Variants in GLS observed in about 807,000 individuals in gnomAD.
GLS encodes glutaminase kidney isoform, mitochondrial.
A neutral mutation model predicts 86.7 loss-of-function variants in GLS; 36 were observed. The ratio of observed to expected loss-of-function variants is 0.42; its 90% CI spans 0.32 to 0.55. The LOEUF is 0.55. Ranked by LOEUF, GLS falls within the 20% of genes least tolerant of loss-of-function variation. GLS has a pLI of 0.17. For missense variants in GLS, 528 were observed against 833.4 expected (o/e 0.63, Z 4.51); for synonymous variants, 317 against 305.9 (o/e 1.04, Z -0.38).
chr2:190,954,673 C>G lies in GLS; in HGVS notation c.1789+13C>G, dbSNP rs955304024. 1 of 1,606,244 alleles carries G rather than the reference C, an allele frequency of 6.2e-7. No individual in the cohort carries two copies. The highest frequency in any genetic ancestry group is 8.5e-7 in the Non-Finnish European group (1 of 1,172,846). On this transcript the variant is annotated intron_variant, in intron 16 of 17. Transcript: ENST00000320717. This position sits in a 1 kb window ranked among gnomAD's most constrained non-coding sequence, Gnocchi z 4.0. ...GCTGCTGCAGAGGGTAATACAGGAA[C>G]TACTCCTATCTATTTTCTTTCCAGA... is the stretch of plus-strand genomic sequence containing the variant.
chr2:190,907,919 G>T (rs1298067509), intron 6 of GLS, among the ~76,000 whole-genome samples: 1 of 152,164 alleles, frequency 6.6e-6, no homozygotes, highest in Admixed American at 6.5e-5. Context: ...TAATTGACAG[G>T]TGCCAAAATG....
intron 4 of GLS, among the ~76,000 whole-genome samples, chr2:190,901,657 C>G (rs1210413240): frequency 6.6e-6 from 1 of 151,008 alleles, no homozygotes; most frequent in Non-Finnish European, 1.5e-5. Context: ...AAAAAAAGTT[C>G]AAGTTCCTCT....
chr2:190,916,689 A>G (rs187532680), intron 7 of GLS, among the ~76,000 whole-genome samples: 130 of 152,298 alleles, frequency 8.5e-4, no homozygotes, highest in African/African-American at 2.9e-3. Context: ...AACATTCTTT[A>G]GTCAATGCAA....
intron 14 of GLS, among the ~76,000 whole-genome samples, chr2:190,939,001 A>C (rs1460441363): frequency 6.6e-6 from 1 of 151,786 alleles, no homozygotes; most frequent in Non-Finnish European, 1.5e-5. Context: ...TTGAGGTTAG[A>C]TTAAATATAT....
chr2:190,924,008 C>T lies in GLS; in HGVS notation c.1197+25C>T, dbSNP rs1480203727. Reference sequence around the variant, plus strand: ...GGTTTTTAAATTTTTGTTTCTATTTCAAATTATTCTTTCATTTAATAAAAT... The same window carrying T: ...GGTTTTTAAATTTTTGTTTCTATTTTAAATTATTCTTTCATTTAATAAAAT... On this transcript the variant is annotated intron_variant, in intron 10 of 17. Transcript: ENST00000320717. The surrounding 1 kb of genome is among the most constrained non-coding windows in gnomAD (Gnocchi z 5.2). 2 of 1,105,830 alleles carry T rather than the reference C, an allele frequency of 1.8e-6. No individual in the cohort carries two copies. Among genetic ancestry groups the T allele is most frequent in the African/African-American group, 1.6e-5 (1 of 63,614 alleles). The allele number at this position is 1,105,830 out of a possible 1,614,324, so 68.5% of individuals were successfully genotyped here.
chr2:190,903,024 G>T (rs971621655), intron 5 of GLS, among the ~76,000 whole-genome samples: 42 of 152,108 alleles, frequency 2.8e-4, no homozygotes, highest in African/African-American at 9.9e-4. Flanking sequence ...AGATAATGTT[G>T]CAATTAAAAA....
In GLS at chr2:190,947,449, G is replaced by A. The variant is rs988892128; in HGVS notation, c.1651-6116G>A. Reference sequence around the variant, plus strand: ...GAGACTTGATAAGAAAAATGCAGTAGTGCTGGAAAATCTACAAGATGAAGG... The same window carrying A: ...GAGACTTGATAAGAAAAATGCAGTAATGCTGGAAAATCTACAAGATGAAGG... On this transcript the variant is annotated intron_variant, in intron 14 of 17. Coordinates refer to ENST00000320717, the MANE Select transcript of GLS (RefSeq NM_014905.5). The surrounding 1 kb of genome is among the most constrained non-coding windows in gnomAD (Gnocchi z 5.0). 8.5e-5 allele frequency among the ~76,000 whole-genome samples: 13 copies of A among 152,294 alleles called. No homozygotes were observed. Among genetic ancestry groups the A allele is most frequent in the African/African-American group, 2.9e-4 (12 of 41,572 alleles).
intron 12 of GLS, among the ~76,000 whole-genome samples, chr2:190,929,740 G>T (rs1200898937): frequency 6.6e-6 from 1 of 152,024 alleles, no homozygotes. Flanking sequence ...AGAGTGCTGG[G>T]ATTACAGGCA....
chr2:190,895,099 TC>T lies in GLS; in HGVS notation c.387-51del. ...ATTTAACAATGGATTTAGTTAAAAA[TC>T]CAGTAGAATGTTCATACAAGGATTA... is the stretch of plus-strand genomic sequence containing the variant. On this transcript the variant is annotated intron_variant, in intron 1 of 17. Transcript: ENST00000320717. The surrounding 1 kb of genome is among the most constrained non-coding windows in gnomAD (Gnocchi z 4.2). 1 of 777,886 alleles carries T rather than the reference TC, an allele frequency of 1.3e-6. No homozygotes were observed. Among genetic ancestry groups the T allele is most frequent in the Non-Finnish European group, 2.3e-6 (1 of 443,134 alleles). The allele number at this position is 777,886 out of a possible 1,614,324, so 48.2% of individuals were successfully genotyped here. A position where few individuals can be genotyped will look rare whatever the true frequency, so the allele number is the denominator to read the frequency against.
In GLS at chr2:190,963,950, T is replaced by C. The variant is rs1691063367; in HGVS notation, c.*964T>C. The C allele has an allele frequency of 1.3e-5, 2 of 152,166 alleles. No homozygotes were observed. Among genetic ancestry groups the C allele is most frequent in the Admixed American group, 1.3e-4 (2 of 15,274 alleles). 9.4% of individuals were successfully genotyped at this position (152,166 alleles called of 1,614,324 possible). On this transcript the variant is annotated 3_prime_UTR_variant, in exon 18 of 18. Transcript: ENST00000320717. The stretch of plus-strand genomic sequence containing the variant: ...GGTAAAGATAAATTCAGAAATGCTC[T>C]AAGCTACCAAAGTTATTCTGAAAGT...
Position 190,951,487 on chromosome 2 carries a change from CAA to C in GLS, c.1651-2076_1651-2075del, listed in dbSNP as rs747663705. ...GAGGAAAAGTTAAAGATGCTAGAAA[CAA>C]AGGGGATCAGTGAGGGAACAAGAAC... On this transcript the variant is annotated intron_variant, in intron 14 of 17. Transcript: ENST00000320717. This position sits in a 1 kb window ranked among gnomAD's most constrained non-coding sequence, Gnocchi z 4.2. 1.2e-4 allele frequency among the ~76,000 whole-genome samples: 19 copies of C among 152,014 alleles called. No individual in the cohort carries two copies. The highest frequency in any genetic ancestry group is 2.5e-4 in the Non-Finnish European group (17 of 68,004).
intron 1 of GLS, among the ~76,000 whole-genome samples, chr2:190,883,231 T>A (rs922145682): frequency 6.6e-6 from 1 of 152,248 alleles, no homozygotes; most frequent in Non-Finnish European, 1.5e-5. Context: ...GAAAGTTTTT[T>A]AATTTGGTTA....
rs1377177151 is a variant in GLS, at chr2:190,924,704, CAA to C, written c.1248+112_1248+113del. On this transcript the variant is annotated intron_variant, in intron 11 of 17. Coordinates refer to ENST00000320717, the MANE Select transcript of GLS (RefSeq NM_014905.5). The surrounding 1 kb of genome is among the most constrained non-coding windows in gnomAD (Gnocchi z 5.2). ...GGCCAGGGCAGGTGGATCATGAGGT[CAA>C]GAGATAGAGGTCATCCTGGCCAACA... 5 of 675,860 alleles carry C rather than the reference CAA, an allele frequency of 7.4e-6. No individual in the cohort carries two copies. Among genetic ancestry groups the C allele is most frequent in the Non-Finnish European group, 1.4e-5 (5 of 365,768 alleles). 41.9% of individuals were successfully genotyped at this position (675,860 alleles called of 1,614,324 possible). A position where few individuals can be genotyped will look rare whatever the true frequency, so the allele number is the denominator to read the frequency against.
Position 190,914,075 on chromosome 2 carries a change from A to G in GLS, c.1038+3754A>G, listed in dbSNP as rs372091236. On this transcript the variant is annotated intron_variant, in intron 7 of 17. Transcript: ENST00000320717. This position sits in a 1 kb window ranked among gnomAD's most constrained non-coding sequence, Gnocchi z 4.4. Reference sequence around the variant, plus strand: ...CCAAAATGCTGGGATGACAGGCATTAGCCACTCTACTTGGCATGCCTCATT... The same window carrying G: ...CCAAAATGCTGGGATGACAGGCATTGGCCACTCTACTTGGCATGCCTCATT... Among the ~76,000 whole-genome samples the G allele has an allele frequency of 7.9e-5, 12 of 152,260 alleles. No individual in the cohort carries two copies. The East Asian group carries it at 2.1e-3, about 27-fold the overall frequency.
Position 190,881,454 on chromosome 2 carries a change from G to T in GLS, c.370G>T (p.Val124Leu), listed in dbSNP as rs1273209782. The T allele has an allele frequency of 1.9e-6, 3 of 1,541,764 alleles. No homozygotes were observed. Among genetic ancestry groups the T allele is most frequent in the Non-Finnish European group, 2.6e-6 (3 of 1,143,252 alleles). Residue 124 changes from valine to leucine, a missense_variant, in exon 1 of 18, where the codon GTG (valine) becomes TTG (leucine). Physicochemically the swap from Val to Leu is conservative, Grantham distance 32. Coordinates refer to ENST00000320717, the MANE Select transcript of GLS (RefSeq NM_014905.5). ...AFGNSEGKEL[V>L]ASGENKIKQG... ...TGGCAACAGCGAGGGCAAAGAGCTG[G>T]TGGCCTCAGGTGAAAAGTGAGTGTC...
In GLS at chr2:190,938,505, T is replaced by C. The variant is rs1344792308; in HGVS notation, c.1650+6868T>C. ...TGTACTTTTATTTACCATAATCTTA[T>C]ATATTTTTTAGAATCACAGATTTGA... is the stretch of plus-strand genomic sequence containing the variant. On this transcript the variant is annotated intron_variant, in intron 14 of 17. Coordinates refer to ENST00000320717, the MANE Select transcript of GLS (RefSeq NM_014905.5). The surrounding 1 kb of genome is among the most constrained non-coding windows in gnomAD (Gnocchi z 4.1). Among the ~76,000 whole-genome samples, 2 of 151,670 alleles carry C rather than the reference T, an allele frequency of 1.3e-5. No individual in the cohort carries two copies. The highest frequency in any genetic ancestry group is 3.0e-5 in the Non-Finnish European group (2 of 67,608).
At position 190,880,890 on chromosome 2, in the gene GLS, AG is replaced by A; in HGVS notation, c.-194del. ...CCTAGCGCGCAGCAGCAGCAGCAGC[AG>A]CAGCAGCAGCAGCAGCAGCAGCAGC... On this transcript the variant is annotated 5_prime_UTR_variant, in exon 1 of 18. Transcript: ENST00000320717. The A allele has an allele frequency of 2.1e-6, 1 of 478,736 alleles. No homozygotes were observed. The highest frequency in any genetic ancestry group is 3.2e-6 in the Non-Finnish European group (1 of 317,122). The allele number at this position is 478,736 out of a possible 1,614,324, so 29.7% of individuals were successfully genotyped here.
chr2:190,948,722 T>C (rs1690640432), intron 14 of GLS, among the ~76,000 whole-genome samples: 1 of 152,210 alleles, frequency 6.6e-6, no homozygotes, highest in Non-Finnish European at 1.5e-5. Flanking sequence ...TCATGTGTTA[T>C]AGTGCCATAG....
At chr2:190,945,299 G>T (rs537392399) in intron 14 of GLS, among the ~76,000 whole-genome samples, 1 of 152,128 alleles carries the variant, frequency 6.6e-6, no homozygotes, top group South Asian at 2.1e-4. Flanking sequence ...TAGGTTGTCA[G>T]ATTTTTTGAC....
Sources: allele counts gnomAD v4.1 joint callset (sites outside exome capture counted in the v4.1 genomes callset), GRCh38; gene constraint gnomAD v4.1.1; non-coding constraint Gnocchi (gnomAD v3.1); transcripts MANE v1.5; gene names NCBI Gene and HGNC (gene_info 2026-07-23, HGNC 2026-07-21).